DGCR2: variants seen among roughly 807,000 people sequenced by gnomAD.
The protein encoded by DGCR2 is DiGeorge syndrome critical region gene 2, also known as integral membrane protein DGCR2/IDD.
A neutral mutation model predicts 51.6 loss-of-function variants in DGCR2; 24 were observed. The observed-to-expected ratio is 0.47, with a 90% confidence interval of 0.34 to 0.65. The LOEUF is 0.65. DGCR2 is among the 30% of genes least tolerant of loss of function. DGCR2 has a pLI of 0.01. For missense variants in DGCR2, 765 were observed against 772.1 expected (o/e 0.99, Z 0.11); for synonymous variants, 340 against 315.4 (o/e 1.08, Z -0.82).
chr22:19,053,564 C>T (rs1030377159), intron 6 of DGCR2, among the ~76,000 whole-genome samples: 2 of 152,134 alleles, frequency 1.3e-5, no homozygotes, highest in Non-Finnish European at 2.9e-5. Flanking sequence ...AAAGACCTCC[C>T]CACAAGAAAG....
At chr22:19,110,643 AAAAAG>A (rs1280430399) in intron 1 of DGCR2, among the ~76,000 whole-genome samples, 3 of 151,952 alleles carry the variant, frequency 2.0e-5, no homozygotes, top group East Asian at 3.8e-4. Context: ...AATTAAAAAA[AAAAAG>A]AAAAGGCAGA....
At chr22:19,122,097 G>T in intron 1 of DGCR2, 31 bp downstream of exon 1, 1 of 1,453,652 alleles carries the variant, frequency 6.9e-7, no homozygotes, top group Non-Finnish European at 9.1e-7. Context: ...TCGCCGCCCA[G>T]CCCCCACACC....
intron 3 of DGCR2, among the ~76,000 whole-genome samples, chr22:19,067,824 G>C (rs1310954127): frequency 1.3e-5 from 2 of 152,212 alleles, no homozygotes; most frequent in Non-Finnish European, 2.9e-5. Context: ...GAATTTCCAA[G>C]GGCCAGTGCC....
At chr22:19,068,475 C>T (rs2082776186) in intron 2 of DGCR2, among the ~76,000 whole-genome samples, 1 of 152,180 alleles carries the variant, frequency 6.6e-6, no homozygotes, top group Non-Finnish European at 1.5e-5. Context: ...AAATGGAGGC[C>T]CTCTTCATTG....
intron 1 of DGCR2, among the ~76,000 whole-genome samples, chr22:19,118,356 C>T (rs1212671865): frequency 8.6e-6 from 1 of 116,124 alleles, no homozygotes; most frequent in Non-Finnish European, 1.6e-5. Context: ...GGGTGACAGA[C>T]AGAAACTCCA....
At chr22:19,082,160 C>G (rs1388049041) in intron 2 of DGCR2, among the ~76,000 whole-genome samples, 1 of 148,664 alleles carries the variant, frequency 6.7e-6, no homozygotes, top group Non-Finnish European at 1.5e-5. Context: ...TGATTCTTCC[C>G]ACCTTAGCCT....
chr22:19,042,355 G>A (rs867971989), intron 7 of DGCR2, among the ~76,000 whole-genome samples: 22 of 152,220 alleles, frequency 1.4e-4, no homozygotes, highest in African/African-American at 5.1e-4. Flanking sequence ...TTTTCCAGGG[G>A]CCAGGGCTGC....
At chr22:19,116,173 A>G (rs1422770440) in intron 1 of DGCR2, among the ~76,000 whole-genome samples, 2 of 152,214 alleles carry the variant, frequency 1.3e-5, no homozygotes, top group Non-Finnish European at 2.9e-5. Context: ...GGCCAGGATG[A>G]GAAGGCTTGA....
intron 5 of DGCR2, 63 bp downstream of exon 5, chr22:19,063,139 G>A (rs2082704375): frequency 2.7e-6 from 4 of 1,482,678 alleles, no homozygotes; most frequent in Non-Finnish European, 2.8e-6. Flanking sequence ...GGGAGGAGGG[G>A]AGGCCCCGAA....
At position 19,089,457 on chromosome 22, in the gene DGCR2, C is replaced by G. The variant is rs151289611; in HGVS notation, c.113G>C (p.Arg38Pro). Reference sequence around the variant, plus strand: ...GGGGATGCACTGGATGGTGCCGCTGCGACACGCAAACTGCCCAGGGTTGCA... The same window carrying G: ...GGGGATGCACTGGATGGTGCCGCTGGGACACGCAAACTGCCCAGGGTTGCA... ...LRCNPGQFAC[R>P]SGTIQCIPLP... The change falls in exon 2 of 10, where the codon CGC (arginine) becomes CCC (proline). Residue 38 changes from arginine to proline, a missense_variant. Arg to Pro is a moderately radical substitution (Grantham distance 103). Coordinates refer to ENST00000263196, the MANE Select transcript of DGCR2 (RefSeq NM_005137.3). 1 of 1,603,064 alleles carries G rather than the reference C, an allele frequency of 6.2e-7. No individual in the cohort carries two copies. Among genetic ancestry groups the G allele is most frequent in the African/African-American group, 1.3e-5 (1 of 74,504 alleles).
intron 2 of DGCR2, among the ~76,000 whole-genome samples, chr22:19,072,753 A>G (rs2082829420): frequency 6.6e-6 from 1 of 152,212 alleles, no homozygotes; most frequent in Admixed American, 6.5e-5. Flanking sequence ...ACACACCTGT[A>G]GTCCCAACTA....
chr22:19,055,548 GTAAA>G (rs138264360), intron 6 of DGCR2, among the ~76,000 whole-genome samples: 1 of 151,828 alleles, frequency 6.6e-6, no homozygotes, highest in Non-Finnish European at 1.5e-5. Flanking sequence ...TCTAATAAAT[GTAAA>G]TAAATAAATA....
chr22:19,077,638 C>T (rs2082892767), intron 2 of DGCR2, among the ~76,000 whole-genome samples: 3 of 152,106 alleles, frequency 2.0e-5, no homozygotes, highest in Non-Finnish European at 2.9e-5. Flanking sequence ...CATATTTCTT[C>T]TTCTTTTTCA....
At chr22:19,108,569 T>TAAAAAAAA (rs55803042) in intron 1 of DGCR2, among the ~76,000 whole-genome samples, 37 of 90,770 alleles carry the variant, frequency 4.1e-4, no homozygotes, top group African/African-American at 1.2e-3. Flanking sequence ...AGAATTTATC[T>TAAAAAAAA]AAAAAAAAAA....
At chr22:19,110,012 T>C (rs1317147098) in intron 1 of DGCR2, among the ~76,000 whole-genome samples, 2 of 152,236 alleles carry the variant, frequency 1.3e-5, no homozygotes, top group East Asian at 3.8e-4. Flanking sequence ...GGGTCCAAAC[T>C]TTAGTGTGAT....
At chr22:19,105,958 C>T (rs1288664703) in intron 1 of DGCR2, among the ~76,000 whole-genome samples, 1 of 152,136 alleles carries the variant, frequency 6.6e-6, no homozygotes, top group Non-Finnish European at 1.5e-5. Flanking sequence ...TCCCCTGAAG[C>T]CCGTCTAGCC....
intron 7 of DGCR2, chr22:19,046,616 A>C (rs757124827): frequency 2.3e-5 from 5 of 218,410 alleles, no homozygotes; most frequent in Non-Finnish European, 5.2e-5. Flanking sequence ...TTAACACATG[A>C]CATCCTATTC....
Position 19,037,199 on chromosome 22 carries a change from G to C in DGCR2, c.*1666C>G, listed in dbSNP as rs570172968. 8 of 152,480 alleles carry C rather than the reference G, an allele frequency of 5.2e-5. No homozygotes were observed. Among genetic ancestry groups the C allele is most frequent in the African/African-American group, 1.9e-4 (8 of 41,578 alleles). 9.4% of individuals were successfully genotyped at this position (152,480 alleles called of 1,614,324 possible). Reference sequence around the variant, plus strand: ...CTCCAAGGGGAGCACAAGCCTGCCCGCACACAGCCTCCAGCATCATGCTCC... The same window carrying C: ...CTCCAAGGGGAGCACAAGCCTGCCCCCACACAGCCTCCAGCATCATGCTCC... On this transcript the variant is annotated 3_prime_UTR_variant, in exon 10 of 10. Coordinates refer to ENST00000263196, the MANE Select transcript of DGCR2 (RefSeq NM_005137.3).
Position 19,068,213 on chromosome 22 carries a change from T to C in DGCR2, c.215A>G (p.Glu72Gly). 1 of 1,600,384 alleles carries C rather than the reference T, an allele frequency of 6.2e-7. No individual in the cohort carries two copies. The change falls in exon 3 of 10, where the codon GAG becomes GGG. Residue 72 changes from glutamate to glycine, a missense_variant. Around this residue, in one of 3 missense-constraint regions of DGCR2, gnomAD observed 370 missense variants for 325.5 expected, o/e 1.14. Transcript: ENST00000263196. ...DEANCPEVTG[E>G]VRPHHGKEAV... ...CTCCTTCCCATGATGAGGACGCACC[T>C]CCCCGGTCACTTCTGAAAGCAAAAG...
Sources: allele counts gnomAD v4.1 joint callset (sites outside exome capture counted in the v4.1 genomes callset), GRCh38; gene constraint gnomAD v4.1.1; regional missense constraint gnomAD v4.1.1; transcripts MANE v1.5; gene names NCBI Gene and HGNC (gene_info 2026-07-23, HGNC 2026-07-21).